Variants in RORA observed in about 807,000 individuals in gnomAD.
The protein encoded by RORA is RAR related orphan receptor A.
RORA carries 7 observed loss-of-function variants against 69.5 expected under a neutral mutation model. That is an observed-to-expected ratio of 0.10 (90% CI 0.06 to 0.19). The LOEUF is 0.19. Ranked by LOEUF, RORA falls within the 10% of genes least tolerant of loss-of-function variation. RORA has a pLI of 1.00. For missense variants in RORA, 457 were observed against 663.0 expected, an observed-to-expected ratio of 0.69 and a Z score of 3.41; for synonymous variants, 261 against 240.8, an observed-to-expected ratio of 1.08 and a Z score of -0.78.
intron 1 of RORA, among the ~76,000 whole-genome samples, chr15:60,993,644 CAAAAAAAA>C (rs3053932): frequency 9.6e-5 from 8 of 83,078 alleles, no homozygotes; most frequent in Non-Finnish European, 1.7e-4. Flanking sequence ...CTCTCCATCT[CAAAAAAAA>C]AAAAAAAAAA....
At chr15:60,723,386 C>CT (rs1555448634) in intron 1 of RORA, among the ~76,000 whole-genome samples, 1 of 150,502 alleles carries the variant, frequency 6.6e-6, no homozygotes, top group Non-Finnish European at 1.5e-5. Context: ...TTCCCCCCCC[C>CT]ACTCACATAA....
chr15:60,741,192 A>G (rs570316129), intron 1 of RORA, among the ~76,000 whole-genome samples: 1 of 152,340 alleles, frequency 6.6e-6, no homozygotes, highest in African/African-American at 2.4e-5. Context: ...AGTTCAGTGA[A>G]CCAATGACTC....
chr15:61,227,835 T>TTATA (rs1479017171), intron 1 of RORA, among the ~76,000 whole-genome samples: 1 of 152,180 alleles, frequency 6.6e-6, no homozygotes, highest in Non-Finnish European at 1.5e-5. Flanking sequence ...CAGGCGCGAT[T>TTATA]TATACATTAT....
chr15:60,758,566 G>A (rs147280386), intron 1 of RORA, among the ~76,000 whole-genome samples: 156 of 152,210 alleles, frequency 1.0e-3, no homozygotes, highest in African/African-American at 3.4e-3. Context: ...TGGGGAGTGG[G>A]AATTTTCCTC....
chr15:61,125,200 C>T (rs538116928), intron 1 of RORA, among the ~76,000 whole-genome samples: 6 of 152,228 alleles, frequency 3.9e-5, no homozygotes, highest in African/African-American at 7.2e-5. Flanking sequence ...AGCCAACTAT[C>T]GTATTATTGT....
intron 2 of RORA, among the ~76,000 whole-genome samples, chr15:60,638,600 A>G (rs536739900): frequency 6.6e-5 from 10 of 152,332 alleles, no homozygotes; most frequent in Middle Eastern, 6.8e-3. Context: ...GAGACAGGAC[A>G]TAGCTAAACC....
At chr15:60,976,101 C>T (rs989202062) in intron 1 of RORA, among the ~76,000 whole-genome samples, 8 of 152,202 alleles carry the variant, frequency 5.3e-5, no homozygotes, top group African/African-American at 1.9e-4. Flanking sequence ...CAACTCAGCC[C>T]AGGGAAGCAG....
intron 1 of RORA, among the ~76,000 whole-genome samples, chr15:60,996,954 C>T (rs4578590): frequency 0.24 from 36,932 of 151,486 alleles, 4,681 homozygotes; most frequent in East Asian, 0.39. Context: ...GTAATTTTTA[C>T]ACCATCCTCA....
chr15:60,937,744 G>C (rs1296046327), intron 1 of RORA, among the ~76,000 whole-genome samples: 2 of 152,066 alleles, frequency 1.3e-5, no homozygotes, highest in East Asian at 1.9e-4. Context: ...GTGTGACCTT[G>C]AGCAAATCAC....
rs73422439 is a variant in RORA at position 61,028,894 on chromosome 15, T to C, written c.166+200159A>G. ...TGCCACAGTATTGTATGATTCTACT[T>C]ACATAAATTGTCCAGAACAGGAGGG... is the stretch of plus-strand genomic sequence containing the variant. On this transcript the variant is annotated intron_variant, in intron 1 of 10. Coordinates refer to ENST00000335670, the MANE Select transcript of RORA (RefSeq NM_134261.3). Among the ~76,000 whole-genome samples, 306 of 152,302 alleles carry C rather than the reference T, an allele frequency of 2.0e-3. 1 individual carries two copies. Among genetic ancestry groups the C allele is most frequent in the African/African-American group, 6.8e-3 (281 of 41,572 alleles).
At chr15:60,889,120 C>T (rs920824313) in intron 1 of RORA, among the ~76,000 whole-genome samples, 2 of 152,212 alleles carry the variant, frequency 1.3e-5, no homozygotes, top group Admixed American at 1.3e-4. Context: ...CCTCCCATGT[C>T]GCACACTTAT....
chr15:60,871,197 C>T (rs578151681), intron 1 of RORA, among the ~76,000 whole-genome samples: 164 of 152,250 alleles, frequency 1.1e-3, no homozygotes, highest in African/African-American at 3.6e-3. Flanking sequence ...AAGTTTTGCA[C>T]GTTTCCCCAA....
chr15:60,692,233 T>G (rs2070838272), intron 1 of RORA, among the ~76,000 whole-genome samples: 1 of 152,214 alleles, frequency 6.6e-6, no homozygotes, highest in Non-Finnish European at 1.5e-5. Context: ...AAATACACTT[T>G]ATTTTTAAAG....
At chr15:61,160,728 T>A (rs975268204) in intron 1 of RORA, among the ~76,000 whole-genome samples, 1 of 152,166 alleles carries the variant, frequency 6.6e-6, no homozygotes, top group African/African-American at 2.4e-5. Flanking sequence ...TCATAATTGA[T>A]CACAGAAAAG....
chr15:60,543,669 A>T (rs1302995127), intron 2 of RORA, among the ~76,000 whole-genome samples: 2 of 151,792 alleles, frequency 1.3e-5, no homozygotes, highest in African/African-American at 2.4e-5. Context: ...TTCAGTAGAG[A>T]TGGGGTTTCA....
At chr15:61,184,150 C>T (rs2079716258) in intron 1 of RORA, among the ~76,000 whole-genome samples, 2 of 152,232 alleles carry the variant, frequency 1.3e-5, no homozygotes, top group African/African-American at 4.8e-5. Context: ...CTGCATTTCA[C>T]AATTTTGCCC....
chr15:60,551,193 T>G (rs1043212125), intron 2 of RORA, among the ~76,000 whole-genome samples: 1 of 152,162 alleles, frequency 6.6e-6, no homozygotes, highest in Non-Finnish European at 1.5e-5. Flanking sequence ...TGAAAATTAC[T>G]GGTGAGAGTG....
chr15:60,707,888 C>T (rs1226858767), intron 1 of RORA, among the ~76,000 whole-genome samples: 4 of 152,226 alleles, frequency 2.6e-5, no homozygotes, highest in Admixed American at 6.5e-5. Flanking sequence ...AATACTGGGG[C>T]ACATACTAAG....
chr15:60,874,620 C>G (rs542390961), intron 1 of RORA, among the ~76,000 whole-genome samples: 1 of 152,288 alleles, frequency 6.6e-6, no homozygotes, highest in South Asian at 2.1e-4. Context: ...TGTTTGCTAA[C>G]TCCTATTCCA....
Sources: allele counts gnomAD v4.1 joint callset (sites outside exome capture counted in the v4.1 genomes callset), GRCh38; gene constraint gnomAD v4.1.1; transcripts MANE v1.5; gene names NCBI Gene and HGNC (gene_info 2026-07-23, HGNC 2026-07-21).